RELN: variants seen among roughly 807,000 people sequenced by gnomAD.
RELN encodes the protein reelin.
RELN carries 108 observed loss-of-function variants against 427.6 expected under a neutral mutation model. That is an observed-to-expected ratio of 0.25 (90% CI 0.22 to 0.30). The LOEUF (loss-of-function observed/expected upper bound fraction) is 0.30, where lower values mean the gene tolerates loss of function less well. Among genes scored for constraint, RELN ranks in the 10% least tolerant of loss-of-function variants. The probability of loss-of-function intolerance (pLI) is 1.00; values close to 1 mark genes in which losing one functional copy is unlikely to be tolerated. For missense variants in RELN, 3,715 were observed against 4,302.8 expected (o/e 0.86, Z 3.82); for synonymous variants, 1,524 against 1,513.4 (o/e 1.01, Z -0.16).
intron 11 of RELN, among the ~76,000 whole-genome samples, chr7:103,661,806 T>G (rs1473404688): frequency 6.6e-6 from 1 of 152,192 alleles, no homozygotes; most frequent in Admixed American, 6.5e-5. Flanking sequence ...ATCAGAGCCA[T>G]GCTCCAGACT....
intron 26 of RELN, 145 bp from the exon 27 acceptor site, chr7:103,594,027 A>G: frequency 4.1e-6 from 3 of 725,674 alleles, no homozygotes; most frequent in Non-Finnish European, 7.0e-6. Flanking sequence ...TTTTACTGCT[A>G]TTAACTTTTT....
intron 45 of RELN, among the ~76,000 whole-genome samples, chr7:103,536,424 C>G (rs1182905709): frequency 6.6e-6 from 1 of 152,144 alleles, no homozygotes; most frequent in Non-Finnish European, 1.5e-5. Context: ...ACACTGAAAT[C>G]ACCTGGATAC....
intron 51 of RELN, among the ~76,000 whole-genome samples, chr7:103,506,886 T>C (rs1286881267): frequency 6.6e-6 from 1 of 152,200 alleles, no homozygotes; most frequent in Non-Finnish European, 1.5e-5. Context: ...GCTGCAATCC[T>C]AGTCTCTGAT....
intron 3 of RELN, 116 bp downstream of exon 3, chr7:103,833,421 T>C: frequency 2.9e-6 from 3 of 1,037,610 alleles, no homozygotes; most frequent in Non-Finnish European, 1.5e-6. Flanking sequence ...TTAGTGATTT[T>C]AATTAGGGTT....
At chr7:103,530,973 C>A (rs1206954384) in intron 46 of RELN, among the ~76,000 whole-genome samples, 2 of 152,134 alleles carry the variant, frequency 1.3e-5, no homozygotes, top group Admixed American at 6.5e-5. Context: ...TAAGACAGTG[C>A]CCTAGCCATT....
intron 1 of RELN, among the ~76,000 whole-genome samples, chr7:103,960,462 T>C (rs1796526920): frequency 6.6e-6 from 1 of 152,228 alleles, no homozygotes; most frequent in Admixed American, 6.5e-5. Context: ...CCTGCTTTTT[T>C]TCCTCCTTAG....
intron 47 of RELN, among the ~76,000 whole-genome samples, chr7:103,522,509 G>A (rs557045470): frequency 3.3e-5 from 5 of 152,224 alleles, no homozygotes; most frequent in Admixed American, 3.3e-4. Context: ...GATAAACAAT[G>A]GGAGCTGCCA....
chr7:103,749,349 A>T, intron 6 of RELN, 77 bp downstream of exon 6: 1 of 1,101,066 alleles, frequency 9.1e-7, no homozygotes, highest in South Asian at 1.2e-5. Flanking sequence ...AATTTTAAGT[A>T]ACTGCTCCTT....
At chr7:103,510,468 C>T (rs1389477638) in intron 51 of RELN, among the ~76,000 whole-genome samples, 2 of 151,834 alleles carry the variant, frequency 1.3e-5, no homozygotes, top group Non-Finnish European at 2.9e-5. Context: ...AGAGGAACAT[C>T]ACGCACTGTG....
In RELN at chr7:103,624,496, G is replaced by A. The variant is rs1024989796; in HGVS notation, c.2702+5444C>T. On this transcript the variant is annotated intron_variant, in intron 20 of 64. Transcript: ENST00000428762. ...GGCTGGAGTGCGATGGCATGATCTC[G>A]GCTCACTGCAACCTCTGCCTCCCAG... is the stretch of plus-strand genomic sequence containing the variant. Among the ~76,000 whole-genome samples the A allele has an allele frequency of 4.0e-5, 6 of 151,898 alleles. No individual in the cohort carries two copies. In the East Asian group the frequency reaches 7.7e-4, roughly 20 times the overall value.
intron 3 of RELN, among the ~76,000 whole-genome samples, chr7:103,779,453 G>A (rs1444393575): frequency 6.6e-6 from 1 of 152,078 alleles, no homozygotes; most frequent in Non-Finnish European, 1.5e-5. Context: ...AGGCACTGCT[G>A]TAGGGCTTTA....
chr7:103,498,712 G>A lies in RELN; in HGVS notation c.8668-460C>T, dbSNP rs140411980. On this transcript the variant is annotated intron_variant, in intron 53 of 64. Transcript: ENST00000428762. ...TCACCATGTTGGCTAGGCTGGTCTC[G>A]AATCCCTGACCTCAAGTGATCTGCC... Among the ~76,000 whole-genome samples the A allele has an allele frequency of 4.0e-3, 613 of 151,946 alleles. 4 individuals are homozygous for A. The highest frequency in any genetic ancestry group is 0.014 in the African/African-American group (575 of 41,424).
intron 2 of RELN, among the ~76,000 whole-genome samples, chr7:103,845,829 A>G (rs998021449): frequency 6.6e-6 from 1 of 152,136 alleles, no homozygotes; most frequent in Non-Finnish European, 1.5e-5. Flanking sequence ...GACCTCTTCA[A>G]GGAGAACTAC....
At chr7:103,907,598 T>C (rs531650380) in intron 2 of RELN, among the ~76,000 whole-genome samples, 1 of 151,728 alleles carries the variant, frequency 6.6e-6, no homozygotes, top group South Asian at 2.1e-4. Context: ...GGACTTCTTT[T>C]GGAGGTGACA....
At chr7:103,900,320 C>A (rs143602947) in intron 2 of RELN, among the ~76,000 whole-genome samples, 1 of 151,858 alleles carries the variant, frequency 6.6e-6, no homozygotes, top group Non-Finnish European at 1.5e-5. Context: ...TGGAATAACA[C>A]CCCATGCTCA....
At chr7:103,494,460 C>T (rs1425363741) in intron 57 of RELN, among the ~76,000 whole-genome samples, 3 of 151,008 alleles carry the variant, frequency 2.0e-5, no homozygotes, top group African/African-American at 7.3e-5. Flanking sequence ...CTGTAACCTC[C>T]AACCACTGGG....
chr7:103,576,607 ATCTG>A, intron 28 of RELN, among the ~76,000 whole-genome samples: 1 of 152,334 alleles, frequency 6.6e-6, no homozygotes, highest in South Asian at 2.1e-4. Context: ...GTTTGAAACA[ATCTG>A]TCTTTCTTAG....
intron 1 of RELN, among the ~76,000 whole-genome samples, chr7:103,976,307 AT>A (rs1210713191): frequency 2.6e-5 from 4 of 152,196 alleles, no homozygotes; most frequent in Non-Finnish European, 5.9e-5. Context: ...GAAATATACG[AT>A]GTCTTAGGTG....
intron 37 of RELN, 63 bp downstream of exon 37, chr7:103,557,902 T>C (rs1355556009): frequency 2.5e-6 from 2 of 810,834 alleles, no homozygotes; most frequent in Admixed American, 1.8e-5. Flanking sequence ...CGTGATTTCT[T>C]TGTGGAAAAG....
Sources: gnomAD v4.1 joint callset for allele counts (sites outside exome capture counted in the v4.1 genomes callset) on GRCh38, gnomAD v4.1.1 for gene constraint, MANE v1.5 for transcripts, NCBI Gene and HGNC (gene_info 2026-07-23, HGNC 2026-07-21) for gene names.